Variants in POU6F2 observed in about 807,000 individuals in gnomAD.
POU6F2 encodes the protein POU domain, class 6, transcription factor 2.
Under a neutral mutation model 71.3 loss-of-function variants are expected in POU6F2, and 31 were observed. That is an observed-to-expected ratio of 0.43 (90% CI 0.33 to 0.59). POU6F2 has a LOEUF of 0.59. Ranked by LOEUF, POU6F2 falls within the 20% of genes least tolerant of loss-of-function variation. The probability of loss-of-function intolerance (pLI) is 0.04; values close to 1 mark genes in which losing one functional copy is unlikely to be tolerated. For synonymous variants in POU6F2, 347 were observed against 355.7 expected, an observed-to-expected ratio of 0.98 and a Z score of 0.27; for missense variants, 783 against 856.8, an observed-to-expected ratio of 0.91 and a Z score of 1.07.
At chr7:39,077,945 C>A (rs1282204896) in intron 1 of POU6F2, among the ~76,000 whole-genome samples, 1 of 152,186 alleles carries the variant, frequency 6.6e-6, no homozygotes, top group African/African-American at 2.4e-5. Context: ...GGGGTCATCA[C>A]CCGGTGCAGT....
chr7:39,461,568 C>G (rs959868522), intron 9 of POU6F2, among the ~76,000 whole-genome samples: 5 of 152,166 alleles, frequency 3.3e-5, no homozygotes, highest in Non-Finnish European at 7.3e-5. Context: ...CTTGGTGATC[C>G]ATGAAATGCT....
intron 4 of POU6F2, among the ~76,000 whole-genome samples, chr7:39,305,521 C>G (rs532564260): frequency 7.2e-5 from 11 of 152,324 alleles, no homozygotes; most frequent in Admixed American, 2.6e-4. Context: ...ATTCATGCCG[C>G]AATCAAGATG....
chr7:39,200,391 G>A (rs1793874063), intron 2 of POU6F2, among the ~76,000 whole-genome samples: 1 of 152,178 alleles, frequency 6.6e-6, no homozygotes, highest in Non-Finnish European at 1.5e-5. Context: ...ACTTCTATAA[G>A]CCATGGTATA....
intron 4 of POU6F2, among the ~76,000 whole-genome samples, chr7:39,300,449 C>CTGGA (rs1307913343): frequency 6.6e-6 from 1 of 152,058 alleles, no homozygotes; most frequent in East Asian, 1.9e-4. Flanking sequence ...GTGACGAATG[C>CTGGA]TGGAGCTGGC....
At chr7:39,247,810 C>T (rs1159855578) in intron 4 of POU6F2, among the ~76,000 whole-genome samples, 1 of 152,168 alleles carries the variant, frequency 6.6e-6, no homozygotes, top group Non-Finnish European at 1.5e-5. Context: ...AGTTAATGGT[C>T]AACTGTAACA....
rs140347318 is a variant in POU6F2 at position 39,093,522 on chromosome 7, A to G, written c.277+7491A>G. ...GTTTCACAATTTAATGAATACGTGTATCCTGCCATATATTGTTTGGCATTA... is the reference window on the plus strand; with the variant it reads ...GTTTCACAATTTAATGAATACGTGTGTCCTGCCATATATTGTTTGGCATTA... On this transcript the variant is annotated intron_variant, in intron 2 of 9. Coordinates refer to ENST00000518318, the MANE Select transcript of POU6F2 (RefSeq NM_001370959.1). Among the ~76,000 whole-genome samples, 1,391 of 152,218 alleles carry G rather than the reference A, an allele frequency of 9.1e-3. 21 individuals carry two copies. Among genetic ancestry groups the G allele is most frequent in the African/African-American group, 0.031 (1,293 of 41,564 alleles).
intron 4 of POU6F2, among the ~76,000 whole-genome samples, chr7:39,235,841 A>T (rs1794664936): frequency 6.6e-6 from 1 of 152,150 alleles, no homozygotes; most frequent in Non-Finnish European, 1.5e-5. Context: ...ATGCAAACAC[A>T]TGTGGGGGAA....
At chr7:39,125,555 T>C (rs1465647213) in intron 2 of POU6F2, among the ~76,000 whole-genome samples, 1 of 152,148 alleles carries the variant, frequency 6.6e-6, no homozygotes, top group Non-Finnish European at 1.5e-5. Flanking sequence ...TTCATATTTC[T>C]GAGCCTGAAA....
intron 4 of POU6F2, among the ~76,000 whole-genome samples, chr7:39,214,083 C>A (rs1465551445): frequency 6.6e-6 from 1 of 152,190 alleles, no homozygotes; most frequent in East Asian, 1.9e-4. Flanking sequence ...GGGAATGCTT[C>A]TTTTCTTTCT....
chr7:38,998,915 C>T lies in POU6F2; in HGVS notation c.105+20857C>T, dbSNP rs541913412. ...TCCTAACTTCATGATCCGCCCGCCTCGGCCTCACAAAGTGCTGGGATTACA... is the reference window on the plus strand; with the variant it reads ...TCCTAACTTCATGATCCGCCCGCCTTGGCCTCACAAAGTGCTGGGATTACA... On this transcript the variant is annotated intron_variant, in intron 1 of 9. Transcript: ENST00000518318. 1.7e-3 allele frequency among the ~76,000 whole-genome samples: 262 copies of T among 151,532 alleles called. 1 individual carries two copies. Among genetic ancestry groups the T allele is most frequent in the African/African-American group, 6.0e-3 (246 of 41,216 alleles).
intron 8 of POU6F2, among the ~76,000 whole-genome samples, chr7:39,456,944 G>T (rs1788820590): frequency 6.6e-6 from 1 of 152,218 alleles, no homozygotes; most frequent in Admixed American, 6.5e-5. Flanking sequence ...ACTGGGCTCA[G>T]TAGCCCAGGC....
chr7:38,999,987 A>AT lies in POU6F2; in HGVS notation c.105+21933dup, dbSNP rs1481150439. Among the ~76,000 whole-genome samples the AT allele has an allele frequency of 2.0e-5, 3 of 152,122 alleles. No homozygotes were observed. The South Asian group carries it at 6.2e-4, about 32-fold the overall frequency. On this transcript the variant is annotated intron_variant, in intron 1 of 9. Transcript: ENST00000518318. The stretch of plus-strand genomic sequence containing the variant: ...CCTAAAGTAGGTACTAAAACTTTTT[A>AT]TTTTCTGTTCATAATGAGAGATTTT...
intron 2 of POU6F2, among the ~76,000 whole-genome samples, chr7:39,131,853 T>A (rs907880053): frequency 1.8e-4 from 27 of 150,506 alleles, no homozygotes; most frequent in Non-Finnish European, 2.8e-4. Flanking sequence ...TTTTTTTTTA[T>A]GTTTTTAAAT....
chr7:39,259,821 C>A (rs933874470), intron 4 of POU6F2, among the ~76,000 whole-genome samples: 1 of 152,092 alleles, frequency 6.6e-6, no homozygotes, highest in Non-Finnish European at 1.5e-5. Flanking sequence ...CCTGCCCCAG[C>A]TCTCAGCTTT....
At chr7:39,039,056 A>C (rs1043027727) in intron 1 of POU6F2, among the ~76,000 whole-genome samples, 1 of 152,068 alleles carries the variant, frequency 6.6e-6, no homozygotes, top group South Asian at 2.1e-4. Context: ...TTGAATTCAC[A>C]TAAGTTTTGT....
At position 39,316,373 on chromosome 7, in the gene POU6F2, C is replaced by T. The variant is rs185717777; in HGVS notation, c.599-23269C>T. ...CTTATTCAGAGTTTCATGTGACACT[C>T]GTCCCCAACATATCCAGGGACCCAC... is the stretch of plus-strand genomic sequence containing the variant. On this transcript the variant is annotated intron_variant, in intron 4 of 9. Coordinates refer to ENST00000518318, the MANE Select transcript of POU6F2 (RefSeq NM_001370959.1). Among the ~76,000 whole-genome samples, 9 of 152,226 alleles carry T rather than the reference C, an allele frequency of 5.9e-5. No homozygotes were observed. The East Asian group carries it at 1.5e-3, about 26-fold the overall frequency.
intron 2 of POU6F2, among the ~76,000 whole-genome samples, chr7:39,190,695 T>A (rs984057972): frequency 7.2e-6 from 1 of 139,098 alleles, no homozygotes; most frequent in African/African-American, 2.7e-5. Context: ...TGGAGTGTAA[T>A]AGCATGATCT....
At chr7:39,452,410 T>C (rs1309118393) in intron 8 of POU6F2, among the ~76,000 whole-genome samples, 1 of 152,256 alleles carries the variant, frequency 6.6e-6, no homozygotes, top group Non-Finnish European at 1.5e-5. Flanking sequence ...TCTGATTTAA[T>C]GTCAGTCACG....
At chr7:39,067,895 A>C (rs549493941) in intron 1 of POU6F2, among the ~76,000 whole-genome samples, 4 of 152,326 alleles carry the variant, frequency 2.6e-5, no homozygotes, top group African/African-American at 9.6e-5. Flanking sequence ...ATAGGTTAGA[A>C]AAAAATTTTA....
Sources: gnomAD v4.1 joint callset for allele counts (sites outside exome capture counted in the v4.1 genomes callset) on GRCh38, gnomAD v4.1.1 for gene constraint, MANE v1.5 for transcripts, NCBI Gene and HGNC (gene_info 2026-07-23, HGNC 2026-07-21) for gene names.